Variants in CELF2 observed in about 807,000 individuals in gnomAD.
CELF2 encodes the protein CUG triplet repeat RNA-binding protein 2.
A neutral mutation model predicts 62.6 loss-of-function variants in CELF2; 8 were observed. That is an observed-to-expected ratio of 0.13 (90% CI 0.07 to 0.23). CELF2 has a LOEUF of 0.23. Ranked by LOEUF, CELF2 falls within the 10% of genes least tolerant of loss-of-function variation. The pLI, the probability that CELF2 is intolerant of heterozygous loss-of-function variation, is 1.00. For synonymous variants in CELF2, 258 were observed against 250.0 expected (o/e 1.03, Z -0.30); for missense variants, 333 against 671.0 (o/e 0.50, Z 5.56).
At chr10:11,327,147 C>T (rs569250729) in intron 12 of CELF2, among the ~76,000 whole-genome samples, 1 of 140,752 alleles carries the variant, frequency 7.1e-6, no homozygotes, top group South Asian at 2.2e-4. Flanking sequence ...ACTGTATAAA[C>T]CCGTGTGACA....
At chr10:10,561,077 C>T in the CELF2 span, among the ~76,000 whole-genome samples, 5 of 152,246 alleles carry the variant, frequency 3.3e-5, no homozygotes, top group Admixed American at 3.3e-4. Flanking sequence ...GTATACTGCT[C>T]AGGTGATGGG....
chr10:11,140,123 C>G (rs1596003625), intron 1 of CELF2, among the ~76,000 whole-genome samples: 1 of 151,428 alleles, frequency 6.6e-6, no homozygotes, highest in East Asian at 1.9e-4. Context: ...TCAGAAGTAC[C>G]TAACCGTAAC....
chr10:10,498,049 C>G, the CELF2 span, among the ~76,000 whole-genome samples: 2 of 152,096 alleles, frequency 1.3e-5, no homozygotes, highest in African/African-American at 4.8e-5. Context: ...AATTCTAGAT[C>G]TATTTTGTGG....
At chr10:11,199,552 A>C (rs913680990) in intron 2 of CELF2, among the ~76,000 whole-genome samples, 2 of 151,790 alleles carry the variant, frequency 1.3e-5, no homozygotes, top group Non-Finnish European at 2.9e-5. Flanking sequence ...CTCTGCCACC[A>C]CCCCTTCCCC....
At position 11,331,190 on chromosome 10, in the gene CELF2, A is replaced by AT. The variant is rs1406447552; in HGVS notation, c.*2138dup. On this transcript the variant is annotated 3_prime_UTR_variant, in exon 13 of 13. Transcript: ENST00000633077. ...GAGAAAGGTTACTGTAAACTGTGTTATGTTGGTGCTTCTGTGAATTAAGTT... is the reference window on the plus strand; with the variant it reads ...GAGAAAGGTTACTGTAAACTGTGTTATTGTTGGTGCTTCTGTGAATTAAGTT... 1 of 151,864 alleles carries AT rather than the reference A, an allele frequency of 6.6e-6. No homozygotes were observed. Among genetic ancestry groups the AT allele is most frequent in the Non-Finnish European group, 1.5e-5 (1 of 67,940 alleles). The allele number at this position is 151,864 out of a possible 1,614,324, so 9.4% of individuals were successfully genotyped here. A position where few individuals can be genotyped will look rare whatever the true frequency, so the allele number is the denominator to read the frequency against.
rs567983027 is a variant in CELF2 at position 10,851,749 on chromosome 10, A to G, written c.53+52932A>G. Among the ~76,000 whole-genome samples the G allele has an allele frequency of 1.6e-4, 25 of 152,342 alleles. No homozygotes were observed. The South Asian group carries it at 3.9e-3, about 24-fold the overall frequency. Reference sequence around the variant, plus strand: ...ACGTACAAGGAACTCTCAAAACTCAATAAGAGGAAAGCAAACAGCCCAATT... The same window carrying G: ...ACGTACAAGGAACTCTCAAAACTCAGTAAGAGGAAAGCAAACAGCCCAATT... On this transcript the variant is annotated intron_variant, in intron 1 of 13. Coordinates refer to the CELF2 transcript ENST00000636488.
At chr10:10,968,823 A>G (rs1233622815) in intron 2 of CELF2, among the ~76,000 whole-genome samples, 1 of 152,234 alleles carries the variant, frequency 6.6e-6, no homozygotes, top group Non-Finnish European at 1.5e-5. Context: ...TAAAGGTCAA[A>G]CCATTATGGT....
rs1011005404 is a variant in CELF2, at chr10:11,302,868, G to C, written c.977-11271G>C. Among the ~76,000 whole-genome samples the C allele has an allele frequency of 6.6e-6, 1 of 152,198 alleles. No homozygotes were observed. The highest frequency in any genetic ancestry group is 1.5e-5 in the Non-Finnish European group (1 of 68,042). On this transcript the variant is annotated intron_variant, in intron 9 of 12. Coordinates refer to ENST00000633077, the MANE Select transcript of CELF2 (RefSeq NM_001326342.2). This position sits in a 1 kb window ranked among gnomAD's most constrained non-coding sequence, Gnocchi z 5.0. The stretch of plus-strand genomic sequence containing the variant: ...ACCAGAGTTCTGCCTGGAAGCATTA[G>C]AATCCTGCCTTCCCGGAGTCCTCTC...
Position 10,934,090 on chromosome 10 carries a change from A to C in CELF2, c.89+14091A>C, listed in dbSNP as rs2066379727. On this transcript the variant is annotated intron_variant, in intron 2 of 13. Coordinates refer to the CELF2 transcript ENST00000636488. The surrounding 1 kb of genome is among the most constrained non-coding windows in gnomAD (Gnocchi z 4.4). ...ATACAAGGGTTCCCTTTCTCCAATC[A>C]GTGCCAGCGTTTCTTATTTTGCGTC... Among the ~76,000 whole-genome samples the C allele has an allele frequency of 6.6e-6, 1 of 152,204 alleles. No individual in the cohort carries two copies. Among genetic ancestry groups the C allele is most frequent in the Non-Finnish European group, 1.5e-5 (1 of 68,032 alleles).
chr10:10,628,267 G>A, the CELF2 span, among the ~76,000 whole-genome samples: 1 of 135,140 alleles, frequency 7.4e-6, no homozygotes, highest in Non-Finnish European at 1.7e-5. Context: ...TCAAAAAAAT[G>A]TTATCAGTAT....
intron 2 of CELF2, among the ~76,000 whole-genome samples, chr10:11,196,542 C>G (rs1054461780): frequency 6.6e-6 from 1 of 151,992 alleles, no homozygotes; most frequent in South Asian, 2.1e-4. Context: ...TTGTTCATGC[C>G]GGTGGTCCCA....
chr10:10,768,967 C>A, the CELF2 span, among the ~76,000 whole-genome samples: 1 of 152,238 alleles, frequency 6.6e-6, no homozygotes, highest in African/African-American at 2.4e-5. Flanking sequence ...TCTGTCCTTC[C>A]TTCTACCTGC....
chr10:10,793,555 AC>A (rs1158085341), upstream of CELF2, among the ~76,000 whole-genome samples: 1 of 152,200 alleles, frequency 6.6e-6, no homozygotes, highest in Non-Finnish European at 1.5e-5. Context: ...GTTTTACAAA[AC>A]ATCAGTTTCA....
the CELF2 span, among the ~76,000 whole-genome samples, chr10:10,577,361 C>CTTT: frequency 1.7e-5 from 2 of 116,366 alleles, no homozygotes; most frequent in African/African-American, 6.3e-5. Flanking sequence ...CTCAACAAAT[C>CTTT]TTTTTATTAT....
At chr10:10,674,231 C>A in the CELF2 span, among the ~76,000 whole-genome samples, 1 of 152,128 alleles carries the variant, frequency 6.6e-6, no homozygotes, top group East Asian at 1.9e-4. Flanking sequence ...CATTAAGAAC[C>A]ATTGTCTTCT....
At chr10:10,693,619 C>T in the CELF2 span, among the ~76,000 whole-genome samples, 865 of 150,354 alleles carry the variant, frequency 5.8e-3, 5 homozygotes, top group African/African-American at 0.02. Context: ...TGGTAGAATT[C>T]GGCTGTGAAT....
chr10:10,915,723 C>T (rs6602463), intron 1 of CELF2, among the ~76,000 whole-genome samples: 11,189 of 152,242 alleles, frequency 0.073, 988 homozygotes, highest in African/African-American at 0.21. Context: ...GTGTAAGCCA[C>T]GGCACCCGGC....
intron 1 of CELF2, among the ~76,000 whole-genome samples, chr10:10,805,635 G>C (rs777968063): frequency 2.0e-5 from 3 of 152,086 alleles, no homozygotes; most frequent in East Asian, 1.9e-4. Flanking sequence ...CTTTTAATGA[G>C]GGGGGGAGAC....
rs530493938 is a variant in CELF2 at position 11,051,541 on chromosome 10, T to C, written c.74+33378T>C. ...CTGCCCGATCAAGTATTGCATTGGATTTATTCATTTACAGTATGTTGAACA... is the reference window on the plus strand; with the variant it reads ...CTGCCCGATCAAGTATTGCATTGGACTTATTCATTTACAGTATGTTGAACA... On this transcript the variant is annotated intron_variant, in intron 1 of 12. Transcript: ENST00000633077. 1.3e-4 allele frequency among the ~76,000 whole-genome samples: 20 copies of C among 152,286 alleles called. No homozygotes were observed. The South Asian group carries it at 4.1e-3, about 32-fold the overall frequency.
Sources: gnomAD v4.1 joint callset for allele counts (sites outside exome capture counted in the v4.1 genomes callset) on GRCh38, gnomAD v4.1.1 for gene constraint, Gnocchi (gnomAD v3.1) non-coding constraint, MANE v1.5 for transcripts, NCBI Gene and HGNC (gene_info 2026-07-23, HGNC 2026-07-21) for gene names.